PSPC1: variants seen among roughly 807,000 people sequenced by gnomAD.
PSPC1 encodes the protein paraspeckle component 1.
PSPC1 carries 14 observed loss-of-function variants against 51.6 expected under a neutral mutation model. That is an observed-to-expected ratio of 0.27 (90% CI 0.18 to 0.42). PSPC1 has a LOEUF of 0.42. PSPC1 is among the 10% of genes least tolerant of loss of function. The probability of loss-of-function intolerance (pLI) is 1.00; values close to 1 mark genes in which losing one functional copy is unlikely to be tolerated. For synonymous variants in PSPC1, 193 were observed against 231.9 expected (o/e 0.83, Z 1.53); for missense variants, 406 against 701.1 (o/e 0.58, Z 4.75).
chr13:19,742,922 C>CTAA (rs1264133988), intron 4 of PSPC1, among the ~76,000 whole-genome samples: 1 of 834 alleles, frequency 1.2e-3, no homozygotes, highest in Non-Finnish European at 5.0e-3. Flanking sequence ...CAATGTCTTA[C>CTAA]GAAGAAGAGT....
intron 4 of PSPC1, among the ~76,000 whole-genome samples, chr13:19,749,926 G>A (rs1886365897): frequency 6.6e-6 from 1 of 152,164 alleles, no homozygotes; most frequent in Non-Finnish European, 1.5e-5. Context: ...TCTATGGTTT[G>A]CTGGGCTCGA....
At chr13:19,712,699 T>C (rs1351151440) in intron 6 of PSPC1, among the ~76,000 whole-genome samples, 11 of 152,162 alleles carry the variant, frequency 7.2e-5, no homozygotes, top group African/African-American at 1.9e-4. Flanking sequence ...AGCATATTAC[T>C]GTATTAAAAT....
At chr13:19,689,451 A>G (rs1878306262) in intron 6 of PSPC1, among the ~76,000 whole-genome samples, 1 of 152,232 alleles carries the variant, frequency 6.6e-6, no homozygotes, top group African/African-American at 2.4e-5. Flanking sequence ...TTTATGCTCC[A>G]AAAGTACTTA....
intron 2 of PSPC1, among the ~76,000 whole-genome samples, chr13:19,764,302 T>C (rs1383909840): frequency 6.6e-6 from 1 of 152,096 alleles, no homozygotes; most frequent in Non-Finnish European, 1.5e-5. Flanking sequence ...CATGCTTTTT[T>C]TCAGATATCC....
intron 6 of PSPC1, among the ~76,000 whole-genome samples, chr13:19,729,532 G>A (rs374917375): frequency 5.9e-5 from 8 of 135,690 alleles, no homozygotes; most frequent in South Asian, 2.3e-4. Context: ...GCAAGATTCC[G>A]TCTCAAAAAA....
intron 4 of PSPC1, among the ~76,000 whole-genome samples, chr13:19,742,514 G>A (rs552438462): frequency 2.0e-5 from 3 of 152,028 alleles, no homozygotes; most frequent in Non-Finnish European, 2.9e-5. Flanking sequence ...CAAGGCAGGC[G>A]GATCACCTGA....
At position 19,677,177 on chromosome 13, in the gene PSPC1, G is replaced by C. The variant is rs564475241; in HGVS notation, c.*76+547C>G. On this transcript the variant is annotated intron_variant and NMD_transcript_variant, in intron 7 of 7. Transcript: ENST00000471658. ...GAACCCGGGAGGCAGAGCTTGCAGT[G>C]AGCCAAGATCGTGCCACTGCACTCC... Among the ~76,000 whole-genome samples, 5 of 150,582 alleles carry C rather than the reference G, an allele frequency of 3.3e-5. No homozygotes were observed. The East Asian group carries it at 9.8e-4, about 29-fold the overall frequency.
intron 6 of PSPC1, among the ~76,000 whole-genome samples, chr13:19,690,347 G>C (rs1482705862): frequency 6.6e-6 from 1 of 152,314 alleles, no homozygotes; most frequent in South Asian, 2.1e-4. Context: ...ATGAGTTCTA[G>C]TTGCTACATT....
chr13:19,746,713 T>C (rs1344036911), intron 4 of PSPC1, among the ~76,000 whole-genome samples: 1 of 151,764 alleles, frequency 6.6e-6, no homozygotes, highest in African/African-American at 2.4e-5. Context: ...AAAAAAATTT[T>C]TTTTTAATGT....
At chr13:19,692,463 A>G (rs942384680) in intron 6 of PSPC1, among the ~76,000 whole-genome samples, 1 of 152,208 alleles carries the variant, frequency 6.6e-6, no homozygotes, top group Non-Finnish European at 1.5e-5. Context: ...AAGTTGCAAG[A>G]GCAAAAGTAA....
At chr13:19,757,820 A>T (rs570374773) in intron 3 of PSPC1, among the ~76,000 whole-genome samples, 1 of 152,276 alleles carries the variant, frequency 6.6e-6, no homozygotes, top group South Asian at 2.1e-4. Flanking sequence ...GTTTTTAAAA[A>T]TATAATAAGC....
In PSPC1 at chr13:19,782,595, C is replaced by A. The variant is rs1890089616; in HGVS notation, c.163G>T (p.Asp55Tyr). 6.3e-7 allele frequency: 1 copy of A among 1,589,176 alleles called. No homozygotes were observed. The highest frequency in any genetic ancestry group is 1.1e-5 in the South Asian group (1 of 88,640). The stretch of plus-strand genomic sequence containing the variant: ...AACCCCATCTCCTCGTCCGGGTGGT[C>A]CTCTGGAGGCGCGGGCGCGGGCGGT... The part of the protein sequence containing the change: ...PAPPAPAPPE[D>Y]HPDEEMGFTI... Residue 55 changes from aspartate (D) to tyrosine (Y), a missense_variant, in exon 1 of 9, where the codon GAC becomes TAC. Physicochemically the swap from Asp to Tyr is radical, Grantham distance 160. Coordinates refer to ENST00000338910, the MANE Select transcript of PSPC1 (RefSeq NM_001354909.2). This position sits in a 1 kb window ranked among gnomAD's most constrained non-coding sequence, Gnocchi z 4.5.
At chr13:19,749,767 G>A (rs191420217) in intron 4 of PSPC1, among the ~76,000 whole-genome samples, 2 of 151,724 alleles carry the variant, frequency 1.3e-5, no homozygotes, top group East Asian at 3.9e-4. Context: ...AAGTAGCTGG[G>A]ATTACAGGCG....
intron 3 of PSPC1, among the ~76,000 whole-genome samples, chr13:19,754,541 G>C (rs550552842): frequency 6.7e-6 from 1 of 148,860 alleles, no homozygotes; most frequent in Non-Finnish European, 1.5e-5. Context: ...CCGGATTCAA[G>C]CGATTCTCCT....
chr13:19,770,619 C>T (rs1436411625), intron 2 of PSPC1, among the ~76,000 whole-genome samples: 1 of 152,118 alleles, frequency 6.6e-6, no homozygotes, highest in Non-Finnish European at 1.5e-5. Flanking sequence ...GAAACCCCAT[C>T]TCTACTAAAA....
chr13:19,682,960 C>T (rs1023766804), intron 6 of PSPC1, among the ~76,000 whole-genome samples: 1 of 151,786 alleles, frequency 6.6e-6, no homozygotes, highest in Admixed American at 6.6e-5. Flanking sequence ...CCCAGCTACT[C>T]GGGAGGCTGA....
At chr13:19,673,519 G>A (rs1335469414), downstream of PSPC1, 1 of 181,908 alleles carries the variant, frequency 5.5e-6, no homozygotes, top group Non-Finnish European at 1.2e-5. Context: ...CTAAATGAGG[G>A]CCAAGATTGG....
rs1164825884 is a variant in PSPC1, at chr13:19,782,624, G to T, written c.134C>A (p.Pro45Gln). Reference protein sequence around the residue: ...AAMALALAGEPAPPAPAPPED... With the variant: ...AAMALALAGEQAPPAPAPPED... The stretch of plus-strand genomic sequence containing the variant: ...TGGAGGCGCGGGCGCGGGCGGTGCC[G>T]GCTCCCCGGCAAGAGCGAGCGCCAT... The change falls in exon 1 of 9, where the codon CCG becomes CAG. Residue 45 changes from proline to glutamine, a missense_variant. Around this residue, in one of 5 missense-constraint regions of PSPC1, gnomAD observed 128 missense variants for 107.1 expected, o/e 1.20. Transcript: ENST00000338910. The surrounding 1 kb of genome is among the most constrained non-coding windows in gnomAD (Gnocchi z 4.5). The T allele has an allele frequency of 5.1e-6, 8 of 1,574,688 alleles. No individual in the cohort carries two copies. Among genetic ancestry groups the T allele is most frequent in the Non-Finnish European group, 6.0e-6 (7 of 1,164,930 alleles).
chr13:19,749,010 G>T (rs1198981160), intron 4 of PSPC1, among the ~76,000 whole-genome samples: 1 of 151,708 alleles, frequency 6.6e-6, no homozygotes, highest in Non-Finnish European at 1.5e-5. Flanking sequence ...AGGAGTTCAA[G>T]ACCAGCTTGG....
Sources: allele counts gnomAD v4.1 joint callset (sites outside exome capture counted in the v4.1 genomes callset), GRCh38; gene constraint gnomAD v4.1.1; regional missense constraint gnomAD v4.1.1; non-coding constraint Gnocchi (gnomAD v3.1); transcripts MANE v1.5; gene names NCBI Gene and HGNC (gene_info 2026-07-23, HGNC 2026-07-21).